The following AFAP1 variants were observed in gnomAD, a reference collection of about 807,000 sequenced individuals.
The protein encoded by AFAP1 is actin filament-associated protein 1.
AFAP1 carries 75 observed loss-of-function variants against 93.9 expected under a neutral mutation model. The observed-to-expected ratio is 0.80, with a 90% CI of 0.66 to 0.97. The LOEUF is 0.97. Among genes scored for constraint, AFAP1 ranks in the 50% least tolerant of loss-of-function variants. The pLI is 0.00. For synonymous variants in AFAP1, 517 were observed against 430.7 expected (o/e 1.20, Z -2.48); for missense variants, 1,201 against 1,050.8 (o/e 1.14, Z -1.98).
At chr4:7,916,606 C>G (rs369816954) in intron 1 of AFAP1, among the ~76,000 whole-genome samples, 4 of 152,100 alleles carry the variant, frequency 2.6e-5, no homozygotes, top group African/African-American at 7.3e-5. Context: ...CTCCCCTCCC[C>G]CTCCTGCAGG....
At chr4:7,768,176 G>C (rs576200288) in intron 17 of AFAP1, among the ~76,000 whole-genome samples, 1 of 152,266 alleles carries the variant, frequency 6.6e-6, no homozygotes, top group Non-Finnish European at 1.5e-5. Flanking sequence ...CCACACTCCT[G>C]TGGCTCCCCA....
chr4:7,815,289 C>T lies in AFAP1; in HGVS notation c.904+729G>A, dbSNP rs537976348. Among the ~76,000 whole-genome samples, 51 of 152,310 alleles carry T rather than the reference C, an allele frequency of 3.3e-4. No individual in the cohort carries two copies. The Middle Eastern group carries it at 0.01, about 30-fold the overall frequency. On this transcript the variant is annotated intron_variant, in intron 8 of 17. Transcript: ENST00000420658. The stretch of plus-strand genomic sequence containing the variant: ...GAGTCAGTGTTTAAAAGGGACAGAG[C>T]TTCGCTCTTGCAACATTAAAAGAGT...
chr4:7,886,629 GATTA>G (rs1210207139), intron 1 of AFAP1, among the ~76,000 whole-genome samples: 3 of 152,308 alleles, frequency 2.0e-5, no homozygotes, highest in African/African-American at 7.2e-5. Context: ...TTAAAAGTCA[GATTA>G]ATTAATGGAT....
intron 9 of AFAP1, among the ~76,000 whole-genome samples, chr4:7,809,212 C>A (rs1408794906): frequency 6.6e-6 from 1 of 151,002 alleles, no homozygotes; most frequent in Non-Finnish European, 1.5e-5. Flanking sequence ...CCTCCCCACT[C>A]CCCCCACCCC....
chr4:7,875,848 T>G (rs1428656985), intron 1 of AFAP1, among the ~76,000 whole-genome samples: 1 of 151,930 alleles, frequency 6.6e-6, no homozygotes. Context: ...ATATTACGAG[T>G]CTACTTATAT....
chr4:7,867,141 G>A (rs1236469624), intron 3 of AFAP1, among the ~76,000 whole-genome samples: 1 of 131,416 alleles, frequency 7.6e-6, no homozygotes, highest in African/African-American at 2.9e-5. Context: ...CGGAGGGGAG[G>A]GGAGGGGAGG....
intron 1 of AFAP1, among the ~76,000 whole-genome samples, chr4:7,938,721 T>C (rs1577375698): frequency 6.6e-6 from 1 of 152,122 alleles, no homozygotes; most frequent in Middle Eastern, 3.4e-3. Context: ...CAAAGTTCAA[T>C]CTGGCTTTCC....
chr4:7,786,391 C>T (rs1717268081), intron 11 of AFAP1, 80 bp from the exon 12 acceptor site: 22 of 1,191,920 alleles, frequency 1.8e-5, no homozygotes, highest in Non-Finnish European at 2.1e-5. Context: ...TGAGTTCTGA[C>T]TTTATGCCCA....
chr4:7,862,366 G>A (rs920985654), intron 3 of AFAP1: 1 of 131,118 alleles, frequency 7.6e-6, no homozygotes, highest in Non-Finnish European at 1.6e-5. Context: ...CGATTTCCTA[G>A]AGACAGTGGA....
chr4:7,816,187 G>T, intron 7 of AFAP1, 88 bp from the exon 8 acceptor site: 1 of 1,168,472 alleles, frequency 8.6e-7, no homozygotes, highest in Non-Finnish European at 1.2e-6. Context: ...TATCTCAAAA[G>T]TGAAAGAAAA....
chr4:7,905,743 C>A (rs1411325554), intron 1 of AFAP1, among the ~76,000 whole-genome samples: 1 of 152,198 alleles, frequency 6.6e-6, no homozygotes, highest in East Asian at 1.9e-4. Context: ...GTGACACCCT[C>A]CTCAAGAAGC....
chr4:7,845,073 C>A (rs1296400186), intron 4 of AFAP1, among the ~76,000 whole-genome samples: 1 of 152,190 alleles, frequency 6.6e-6, no homozygotes, highest in African/African-American at 2.4e-5. Flanking sequence ...AGATTCAATA[C>A]TAGCAGGGAG....
chr4:7,798,061 A>C (rs546966128), intron 10 of AFAP1, among the ~76,000 whole-genome samples: 3 of 152,320 alleles, frequency 2.0e-5, no homozygotes, highest in Admixed American at 2.0e-4. Context: ...AGGATCTTGG[A>C]AAAAGTATAG....
Position 7,774,863 on chromosome 4 carries a change from T to C in AFAP1, c.1938A>G (p.Ala646=), listed in dbSNP as rs994351407. 21 of 1,614,234 alleles carry C rather than the reference T, an allele frequency of 1.3e-5. No individual in the cohort carries two copies. The highest frequency in any genetic ancestry group is 1.5e-5 in the Non-Finnish European group (18 of 1,180,038). ...CTTTGGTCTGTAGCCGCTTGGCATC[T>C]GCTTCTACCCGGTTCTTGCCATACT... ...QYKYGKNRVE[A]DAKRLQTKEE... The change falls in exon 15 of 18, where the codon GCA becomes GCG. Residue 646 remains alanine (A), a synonymous_variant. Transcript: ENST00000420658.
intron 10 of AFAP1, among the ~76,000 whole-genome samples, chr4:7,796,766 A>C (rs1315994767): frequency 1.4e-5 from 2 of 147,504 alleles, no homozygotes; most frequent in African/African-American, 2.5e-5. Context: ...AAAAAAACAA[A>C]AAAAAACTAT....
intron 1 of AFAP1, among the ~76,000 whole-genome samples, chr4:7,890,354 C>T (rs760677155): frequency 1.3e-5 from 2 of 152,190 alleles, no homozygotes; most frequent in African/African-American, 4.8e-5. Context: ...CTACTCCTTA[C>T]GTCGTACCAA....
intron 9 of AFAP1, among the ~76,000 whole-genome samples, chr4:7,803,866 A>C (rs539667150): frequency 7.2e-5 from 11 of 152,116 alleles, no homozygotes; most frequent in East Asian, 3.9e-4. Context: ...TTTTCCCCCC[A>C]AAAAAATCCC....
At chr4:7,827,415 T>C (rs1361576451) in intron 6 of AFAP1, among the ~76,000 whole-genome samples, 6 of 150,618 alleles carry the variant, frequency 4.0e-5, no homozygotes, top group Non-Finnish European at 8.9e-5. Context: ...CTACTAAAAA[T>C]ACAAAATTAG....
chr4:7,764,362 G>A (rs560411151), intron 17 of AFAP1, among the ~76,000 whole-genome samples: 15 of 151,802 alleles, frequency 9.9e-5, no homozygotes, highest in East Asian at 2.0e-4. Flanking sequence ...GCAACGTAGC[G>A]AGACCGCATC....
Sources: gnomAD v4.1 joint callset for allele counts (sites outside exome capture counted in the v4.1 genomes callset) on GRCh38, gnomAD v4.1.1 for gene constraint, MANE v1.5 for transcripts, NCBI Gene and HGNC (gene_info 2026-07-23, HGNC 2026-07-21) for gene names.